Variants in RALGAPA1 observed in about 807,000 individuals in gnomAD.
RALGAPA1 encodes the protein ral GTPase-activating protein subunit alpha-1.
In RALGAPA1, 52 loss-of-function variants were observed where a neutral mutation model predicts 269.6. The observed-to-expected ratio is 0.19, with a 90% confidence interval of 0.15 to 0.24. The LOEUF is 0.24. Among genes scored for constraint, RALGAPA1 ranks in the 10% least tolerant of loss-of-function variants. The pLI is 1.00. For missense variants in RALGAPA1, 1,917 were observed against 3,013.9 expected (o/e 0.64, Z 8.52); for synonymous variants, 817 against 1,008.3 (o/e 0.81, Z 3.60).
chr14:35,624,156 CA>C (rs377171729), intron 35 of RALGAPA1, among the ~76,000 whole-genome samples: 2,064 of 21,830 alleles, frequency 0.095, 34 homozygotes, highest in African/African-American at 0.19. Context: ...TAATACAACG[CA>C]AAAAAAAAAA....
intron 16 of RALGAPA1, among the ~76,000 whole-genome samples, chr14:35,702,592 C>T (rs750263140): frequency 3.9e-5 from 6 of 152,138 alleles, no homozygotes; most frequent in South Asian, 2.1e-4. Flanking sequence ...ACAAAAGTTA[C>T]GTTGACTCCA....
chr14:35,728,436 G>A lies in RALGAPA1; in HGVS notation c.1662C>T (p.His554=), dbSNP rs781008146. The change falls in exon 13 of 42, where the codon CAC becomes CAT. Residue 554 remains histidine (H), a synonymous_variant. Transcript: ENST00000680220. The part of the protein sequence containing the change: ...ANEIKNLLDE[H]TDMCKRILNI... ...TAAGAATGCGTTTACACATATCTGT[G>A]TGTTCATCCAGAAGATTTTTTATTT... 1.2e-6 allele frequency: 2 copies of A among 1,609,030 alleles called. No individual in the cohort carries two copies. Among genetic ancestry groups the A allele is most frequent in the African/African-American group, 1.3e-5 (1 of 74,644 alleles).
Position 35,684,972 on chromosome 14 carries a change from C to T in RALGAPA1, c.4251G>A (p.Ser1417=), listed in dbSNP as rs758475613. 3.5e-5 allele frequency: 56 copies of T among 1,613,142 alleles called. No individual in the cohort carries two copies. The highest frequency in any genetic ancestry group is 2.3e-5 in the Non-Finnish European group (27 of 1,179,828). Residue 1417 remains serine, a synonymous_variant, in exon 20 of 42, where the codon TCG becomes TCA. Transcript: ENST00000680220. ...CATATTGGAAAGCGCTGAAAGAATC[C>T]GAATGACTATCTGAGCTGATAAGAT... ...SSDLISSDSH[S]DSFSAFQYDG... is the part of the protein sequence containing the mutation.
At chr14:35,718,059 T>G (rs1314274444) in intron 16 of RALGAPA1, among the ~76,000 whole-genome samples, 1 of 152,190 alleles carries the variant, frequency 6.6e-6, no homozygotes, top group Non-Finnish European at 1.5e-5. Context: ...TAGAATAAGC[T>G]TTCCCTGACC....
intron 21 of RALGAPA1, among the ~76,000 whole-genome samples, chr14:35,683,017 C>T (rs532353596): frequency 7.9e-5 from 12 of 152,290 alleles, no homozygotes; most frequent in Non-Finnish European, 1.8e-4. Context: ...GAAATCACTG[C>T]GCCAGTCTTG....
chr14:35,550,447 A>T (rs79151077), intron 39 of RALGAPA1, among the ~76,000 whole-genome samples: 2,028 of 151,968 alleles, frequency 0.013, 22 homozygotes, highest in African/African-American at 0.032. Flanking sequence ...CTTATTTTTT[A>T]AAAAAATGCA....
At chr14:35,750,332 T>A (rs761286620) in intron 9 of RALGAPA1, 150 bp downstream of exon 9, 32 of 478,966 alleles carry the variant, frequency 6.7e-5, no homozygotes, top group Non-Finnish European at 9.2e-5. Context: ...ATTAATTCTA[T>A]AATTAAAATT....
intron 17 of RALGAPA1, among the ~76,000 whole-genome samples, chr14:35,697,759 G>C (rs1567031092): frequency 6.6e-6 from 1 of 151,894 alleles, no homozygotes; most frequent in Non-Finnish European, 1.5e-5. Flanking sequence ...CCTGGAAAGT[G>C]TTCTAAATTT....
At chr14:35,543,651 T>C (rs1182268394) in intron 41 of RALGAPA1, among the ~76,000 whole-genome samples, 1 of 152,210 alleles carries the variant, frequency 6.6e-6, no homozygotes, top group East Asian at 1.9e-4. Context: ...TATTTTTATT[T>C]CTTTATTTTG....
At chr14:35,588,616 G>A (rs565148812) in intron 37 of RALGAPA1, among the ~76,000 whole-genome samples, 1 of 152,288 alleles carries the variant, frequency 6.6e-6, no homozygotes, top group African/African-American at 2.4e-5. Context: ...TAACGGCAAG[G>A]ATGTGGAAAA....
At chr14:35,751,300 A>C (rs549283406) in intron 8 of RALGAPA1, among the ~76,000 whole-genome samples, 3 of 152,366 alleles carry the variant, frequency 2.0e-5, no homozygotes, top group East Asian at 3.9e-4. Flanking sequence ...CTATGTAATT[A>C]TTCACACAGA....
intron 4 of RALGAPA1, chr14:35,766,287 G>C: frequency 1.1e-6 from 1 of 875,176 alleles, no homozygotes; most frequent in Non-Finnish European, 1.9e-6. Context: ...GGCTGAACAT[G>C]ACCCTACGGA....
intron 9 of RALGAPA1, among the ~76,000 whole-genome samples, chr14:35,749,083 T>C (rs753313780): frequency 3.5e-4 from 54 of 152,316 alleles, no homozygotes; most frequent in African/African-American, 1.3e-3. Flanking sequence ...TAGTTATATA[T>C]TCTTCTCAGT....
At chr14:35,715,479 C>T (rs1381808749) in intron 16 of RALGAPA1, among the ~76,000 whole-genome samples, 1 of 151,838 alleles carries the variant, frequency 6.6e-6, no homozygotes, top group Non-Finnish European at 1.5e-5. Flanking sequence ...TTATTTATTC[C>T]ATAATATTTA....
chr14:35,591,446 A>G (rs182817332), intron 37 of RALGAPA1, among the ~76,000 whole-genome samples: 73 of 152,084 alleles, frequency 4.8e-4, no homozygotes, highest in African/African-American at 1.7e-3. Context: ...CTCCTGAGTA[A>G]TTGGGACTAT....
intron 37 of RALGAPA1, among the ~76,000 whole-genome samples, chr14:35,580,553 G>A (rs1049332085): frequency 6.6e-6 from 1 of 152,138 alleles, no homozygotes; most frequent in Non-Finnish European, 1.5e-5. Context: ...TGCTCAAGAA[G>A]TATAGTCTAT....
At chr14:35,628,099 G>A (rs2061103041) in intron 33 of RALGAPA1, 148 bp from the exon 34 acceptor site, 2 of 957,270 alleles carry the variant, frequency 2.1e-6, no homozygotes, top group East Asian at 2.7e-5. Flanking sequence ...TGGCAAAAAA[G>A]GAGGAAAACC....
intron 6 of RALGAPA1, 81 bp downstream of exon 6, chr14:35,760,748 G>T: frequency 1.0e-6 from 1 of 987,486 alleles, no homozygotes; most frequent in Non-Finnish European, 1.5e-6. Flanking sequence ...GTTAATGAAT[G>T]CACAGACATT....
intron 1 of RALGAPA1, among the ~76,000 whole-genome samples, chr14:35,787,892 C>T (rs964852757): frequency 6.6e-6 from 1 of 151,166 alleles, no homozygotes; most frequent in African/African-American, 2.4e-5. Context: ...CCTAATTTAC[C>T]CATTTCTAAT....
Sources: gnomAD v4.1 joint callset for allele counts (sites outside exome capture counted in the v4.1 genomes callset) on GRCh38, gnomAD v4.1.1 for gene constraint, MANE v1.5 for transcripts, NCBI Gene and HGNC (gene_info 2026-07-23, HGNC 2026-07-21) for gene names.